The following TAB2 variants were observed in gnomAD, a reference collection of about 807,000 sequenced individuals.
TAB2 encodes TGF-beta activated kinase 1 (MAP3K7) binding protein 2.
TAB2 carries 3 observed loss-of-function variants against 65.0 expected under a neutral mutation model. The observed-to-expected ratio is 0.05, with a 90% confidence interval of 0.02 to 0.12. TAB2 has a LOEUF of 0.12. Ranked by LOEUF, TAB2 falls within the 10% of genes least tolerant of loss-of-function variation. The pLI, the probability that TAB2 is intolerant of heterozygous loss-of-function variation, is 1.00. For synonymous variants in TAB2, 298 were observed against 285.1 expected, an observed-to-expected ratio of 1.05 and a Z score of -0.46; for missense variants, 623 against 840.3, an observed-to-expected ratio of 0.74 and a Z score of 3.20.
Position 149,378,286 on chromosome 6 carries a change from A to G in TAB2, c.371A>G (p.Gln124Arg), listed in dbSNP as rs1583139601. The change falls in exon 3 of 7, where the codon CAG (glutamine) becomes CGG (arginine). Residue 124 changes from glutamine to arginine, a missense_variant. By Grantham distance (43) the Gln-to-Arg change is conservative. Coordinates refer to ENST00000637181, the MANE Select transcript of TAB2 (RefSeq NM_001292034.3). ...GGQSNSELFQ[Q>R]EPQTAPAQVP... ...CAGTCCAATAGTGAACTATTTCAGCAGGAGCCACAGACAGCACCAGCTCAA... is the reference window on the plus strand; with the variant it reads ...CAGTCCAATAGTGAACTATTTCAGCGGGAGCCACAGACAGCACCAGCTCAA... 1 of 1,614,250 alleles carries G rather than the reference A, an allele frequency of 6.2e-7. No homozygotes were observed. The highest frequency in any genetic ancestry group is 1.1e-5 in the South Asian group (1 of 91,090).
intron 1 of TAB2, among the ~76,000 whole-genome samples, chr6:149,235,292 G>A (rs899782398): frequency 2.0e-5 from 3 of 152,170 alleles, no homozygotes; most frequent in Non-Finnish European, 4.4e-5. Flanking sequence ...CCTGTGCCAA[G>A]GAAAACAGAA....
At chr6:149,260,172 G>A (rs1778122127) in intron 1 of TAB2, among the ~76,000 whole-genome samples, 1 of 152,194 alleles carries the variant, frequency 6.6e-6, no homozygotes, top group South Asian at 2.1e-4. Flanking sequence ...CATGTAAAGG[G>A]AGAGGTAAAC....
Position 149,237,529 on chromosome 6 carries a change from T to C in TAB2, c.-121+18753T>C, listed in dbSNP as rs948016263. 2.0e-5 allele frequency among the ~76,000 whole-genome samples: 3 copies of C among 152,204 alleles called. No individual in the cohort carries two copies. In the East Asian group the frequency reaches 5.8e-4, roughly 29 times the overall value. The stretch of plus-strand genomic sequence containing the variant: ...CCAAGGTGCCAAATCCAGGCCTCTT[T>C]CCATGCGTAAGTGGAGAGGCAGTCA... On this transcript the variant is annotated intron_variant, in intron 1 of 1. Coordinates refer to the TAB2 transcript ENST00000606202.
At chr6:149,407,524 A>G (rs1456871163) in intron 6 of TAB2, among the ~76,000 whole-genome samples, 1 of 152,206 alleles carries the variant, frequency 6.6e-6, no homozygotes, top group African/African-American at 2.4e-5. Flanking sequence ...TCCATTACTT[A>G]AAAGTTTTTA....
chr6:149,278,588 T>C (rs1363176832), intron 1 of TAB2, among the ~76,000 whole-genome samples: 5 of 152,100 alleles, frequency 3.3e-5, no homozygotes, highest in Non-Finnish European at 7.4e-5. Context: ...TGGCTAAGAT[T>C]CCGATAAGCC....
At chr6:149,314,852 C>CCAGTT (rs1460886044), upstream of TAB2, among the ~76,000 whole-genome samples, 34 of 149,878 alleles carry the variant, frequency 2.3e-4, no homozygotes, top group Non-Finnish European at 4.0e-4. Context: ...TGAATGTAGT[C>CCAGTT]CAGGAACTAT....
At chr6:149,334,428 C>T (rs1454170668) in intron 1 of TAB2, among the ~76,000 whole-genome samples, 3 of 152,162 alleles carry the variant, frequency 2.0e-5, no homozygotes, top group Non-Finnish European at 4.4e-5. Flanking sequence ...GCCTGTAATA[C>T]TAGAGTCTTG....
intron 1 of TAB2, among the ~76,000 whole-genome samples, chr6:149,308,479 T>C (rs1242189545): frequency 2.0e-5 from 3 of 151,814 alleles, no homozygotes; most frequent in Admixed American, 6.6e-5. Flanking sequence ...TCCTATTTTT[T>C]AACCATTAGT....
chr6:149,276,682 T>C (rs1180574538), intron 1 of TAB2, among the ~76,000 whole-genome samples: 1 of 152,216 alleles, frequency 6.6e-6, no homozygotes, highest in Non-Finnish European at 1.5e-5. Context: ...GGCATAGCTG[T>C]GGAAAAATAG....
At chr6:149,228,043 C>T (rs890953859) in intron 1 of TAB2, among the ~76,000 whole-genome samples, 13 of 152,080 alleles carry the variant, frequency 8.5e-5, no homozygotes, top group Admixed American at 3.3e-4. Context: ...AGTGAAACGT[C>T]CCACCATAGC....
chr6:149,255,385 T>G (rs1201842685), intron 1 of TAB2: 1 of 152,218 alleles, frequency 6.6e-6, no homozygotes, highest in Non-Finnish European at 1.5e-5. Flanking sequence ...AAATAAAACA[T>G]AATTACAATA....
At chr6:149,296,287 A>G (rs565059437) in intron 1 of TAB2, among the ~76,000 whole-genome samples, 1 of 152,346 alleles carries the variant, frequency 6.6e-6, no homozygotes, top group Admixed American at 6.5e-5. Context: ...GTCTCAGCTT[A>G]CTGTGAGAGG....
Position 149,411,453 on chromosome 6 carries a change from G to A in TAB2, c.*1734G>A, listed in dbSNP as rs1335514945. The A allele has an allele frequency of 1.3e-5, 2 of 152,600 alleles. No individual in the cohort carries two copies. Among genetic ancestry groups the A allele is most frequent in the African/African-American group, 2.4e-5 (1 of 41,418 alleles). The allele number at this position is 152,600 out of a possible 1,614,324, so 9.5% of individuals were successfully genotyped here. A position where few individuals can be genotyped will look rare whatever the true frequency, so the allele number is the denominator to read the frequency against. On this transcript the variant is annotated 3_prime_UTR_variant, in exon 7 of 7. Transcript: ENST00000637181. The stretch of plus-strand genomic sequence containing the variant: ...TAGGCCTTGTTTTTCAGCTTCATCT[G>A]CAGTTCTATGTGAAGATTGATAAAT...
intron 1 of TAB2, among the ~76,000 whole-genome samples, chr6:149,270,768 C>T (rs902510194): frequency 2.0e-5 from 3 of 152,184 alleles, no homozygotes; most frequent in African/African-American, 4.8e-5. Flanking sequence ...CAAGCCTCTC[C>T]GACGTACACA....
intron 6 of TAB2, chr6:149,400,990 C>T: frequency 3.3e-6 from 1 of 301,192 alleles, no homozygotes; most frequent in Non-Finnish European, 6.4e-6. Context: ...GTGGCATGTT[C>T]ATTCAGGTCT....
At position 149,337,581 on chromosome 6, in the gene TAB2, G is replaced by A. The variant is rs556225102; in HGVS notation, c.-90+19566G>A. ...AAATTTCAAAGTTTCAACCAGTTTAGAAAAAAGGGTCAAACTCTTCTTAGC... is the reference window on the plus strand; with the variant it reads ...AAATTTCAAAGTTTCAACCAGTTTAAAAAAAAGGGTCAAACTCTTCTTAGC... On this transcript the variant is annotated intron_variant, in intron 1 of 6. Transcript: ENST00000637181. Among the ~76,000 whole-genome samples, 5 of 152,110 alleles carry A rather than the reference G, an allele frequency of 3.3e-5. No individual in the cohort carries two copies. In the East Asian group the frequency reaches 7.7e-4, roughly 23 times the overall value.
In TAB2 at chr6:149,292,464, C is replaced by T. The variant is rs115205444; in HGVS notation, c.-121+73688C>T. On this transcript the variant is annotated intron_variant, in intron 1 of 1. Coordinates refer to the TAB2 transcript ENST00000606202. Reference sequence around the variant, plus strand: ...AACAAGTTTAAACAATGAGACTACACCAGCAAGCATTTCTAGAATTTCTCC... The same window carrying T: ...AACAAGTTTAAACAATGAGACTACATCAGCAAGCATTTCTAGAATTTCTCC... Among the ~76,000 whole-genome samples, 1,380 of 152,104 alleles carry T rather than the reference C, an allele frequency of 9.1e-3. 32 individuals carry two copies. Among genetic ancestry groups the T allele is most frequent in the African/African-American group, 0.031 (1,279 of 41,500 alleles).
chr6:149,282,999 G>C (rs575717820), intron 1 of TAB2, among the ~76,000 whole-genome samples: 2 of 152,140 alleles, frequency 1.3e-5, no homozygotes, highest in East Asian at 3.9e-4. Context: ...AACCTTTCAC[G>C]AAGATTTTAT....
intron 1 of TAB2, chr6:149,347,374 T>C: frequency 6.6e-6 from 1 of 152,246 alleles, no homozygotes; most frequent in East Asian, 1.9e-4. Context: ...TATGCTACTT[T>C]ATTAATGTTT....
Sources: gnomAD v4.1 joint callset for allele counts (sites outside exome capture counted in the v4.1 genomes callset) on GRCh38, gnomAD v4.1.1 for gene constraint, MANE v1.5 for transcripts, NCBI Gene and HGNC (gene_info 2026-07-23, HGNC 2026-07-21) for gene names.